The following SIPA1L2 variants were observed in gnomAD, a reference collection of about 807,000 sequenced individuals.
SIPA1L2 encodes signal-induced proliferation-associated 1-like protein 2.
In SIPA1L2, 56 loss-of-function variants were observed where a neutral mutation model predicts 163.9. The observed-to-expected ratio is 0.34, with a 90% CI of 0.28 to 0.43. The LOEUF is 0.43. SIPA1L2 is among the 20% of genes least tolerant of loss of function. The pLI, the probability that SIPA1L2 is intolerant of heterozygous loss-of-function variation, is 1.00. For synonymous variants in SIPA1L2, 877 were observed against 865.7 expected (o/e 1.01, Z -0.23); for missense variants, 1,974 against 2,193.5 (o/e 0.90, Z 2.00).
chr1:232,410,813 C>T (rs963401471), intron 19 of SIPA1L2, among the ~76,000 whole-genome samples: 1 of 151,996 alleles, frequency 6.6e-6, no homozygotes, highest in Non-Finnish European at 1.5e-5. Flanking sequence ...ATCTCTATGT[C>T]TCTTTTTTAA....
At chr1:232,566,466 T>C (rs1023173835) in intron 2 of SIPA1L2, among the ~76,000 whole-genome samples, 5 of 152,264 alleles carry the variant, frequency 3.3e-5, no homozygotes, top group Admixed American at 2.0e-4. Flanking sequence ...AAAGCCCTGC[T>C]GGATTTCAGA....
intron 1 of SIPA1L2, among the ~76,000 whole-genome samples, chr1:232,605,830 C>T (rs1396797939): frequency 6.6e-6 from 1 of 152,168 alleles, no homozygotes; most frequent in Non-Finnish European, 1.5e-5. Flanking sequence ...TACAGGATTT[C>T]TGATTCTCCA....
chr1:232,569,990 A>C (rs1659625956), intron 2 of SIPA1L2, among the ~76,000 whole-genome samples: 1 of 152,032 alleles, frequency 6.6e-6, no homozygotes, highest in South Asian at 2.1e-4. Context: ...CGGAAGGTAA[A>C]GCTGAAAGCA....
chr1:232,497,634 T>C (rs1238406008), intron 3 of SIPA1L2, among the ~76,000 whole-genome samples: 1 of 152,198 alleles, frequency 6.6e-6, no homozygotes, highest in Non-Finnish European at 1.5e-5. Flanking sequence ...ATGACACTAG[T>C]GGCCACTCAC....
intron 1 of SIPA1L2, among the ~76,000 whole-genome samples, chr1:232,586,345 A>G (rs1660653958): frequency 6.6e-6 from 1 of 152,196 alleles, no homozygotes; most frequent in South Asian, 2.1e-4. Context: ...GTATTTATTA[A>G]TATTTTATCA....
At chr1:232,554,361 G>A (rs1350034529) in intron 2 of SIPA1L2, among the ~76,000 whole-genome samples, 2 of 152,144 alleles carry the variant, frequency 1.3e-5, no homozygotes, top group Non-Finnish European at 1.5e-5. Context: ...CTACAGGAAA[G>A]GATATGGTGA....
intron 1 of SIPA1L2, among the ~76,000 whole-genome samples, chr1:232,615,818 C>T (rs1029950258): frequency 5.3e-5 from 8 of 152,158 alleles, no homozygotes; most frequent in African/African-American, 1.9e-4. Context: ...AGAAAATCTA[C>T]TGTATTTCCA....
upstream of SIPA1L2, among the ~76,000 whole-genome samples, chr1:232,630,191 C>G (rs1042701784): frequency 1.3e-5 from 2 of 151,664 alleles, no homozygotes; most frequent in Admixed American, 1.3e-4. Context: ...CCCCCGCCCG[C>G]TCTGCGGGCT....
chr1:232,496,502 G>A (rs1666198106), intron 3 of SIPA1L2, among the ~76,000 whole-genome samples: 1 of 147,134 alleles, frequency 6.8e-6, no homozygotes, highest in African/African-American at 2.5e-5. Flanking sequence ...AAGCTCCAGT[G>A]ACATTAAGCA....
At chr1:232,420,933 A>G (rs2102797394) in intron 18 of SIPA1L2, among the ~76,000 whole-genome samples, 1 of 152,354 alleles carries the variant, frequency 6.6e-6, no homozygotes, top group African/African-American at 2.4e-5. Flanking sequence ...CTGGCATAAC[A>G]AGTTTCTCAC....
intron 1 of SIPA1L2, among the ~76,000 whole-genome samples, chr1:232,597,497 G>A (rs1298152866): frequency 1.8e-4 from 26 of 146,762 alleles, no homozygotes; most frequent in Admixed American, 1.6e-3. Flanking sequence ...CTAACACGGT[G>A]AAACCCCGTC....
rs71162247 is a variant in SIPA1L2 at position 232,496,560 on chromosome 1, C to CAAAAAAA, written c.1484-2907_1484-2901dup. ...TAAGAAGAGCTGATCCAGAAGCAGG[C>CAAAAAAA]AAAAAAAAAAAAAAAGATATTCAAT... is the stretch of plus-strand genomic sequence containing the variant. On this transcript the variant is annotated intron_variant, in intron 3 of 22. Coordinates refer to ENST00000674635, the MANE Select transcript of SIPA1L2 (RefSeq NM_020808.5). Among the ~76,000 whole-genome samples the CAAAAAAA allele has an allele frequency of 1.1e-3, 120 of 105,370 alleles. 1 individual carries two copies. The highest frequency in any genetic ancestry group is 4.2e-3 in the African/African-American group (117 of 28,150). 69.1% of individuals were successfully genotyped at this position (105,370 alleles called of 152,430 possible).
chr1:232,574,554 T>G (rs1167293626), intron 1 of SIPA1L2, among the ~76,000 whole-genome samples: 1 of 152,212 alleles, frequency 6.6e-6, no homozygotes, highest in African/African-American at 2.4e-5. Flanking sequence ...TGAAAAATAA[T>G]TATTTTCATA....
At chr1:232,424,829 G>T (rs1439165247) in intron 18 of SIPA1L2, among the ~76,000 whole-genome samples, 1 of 151,598 alleles carries the variant, frequency 6.6e-6, no homozygotes, top group Non-Finnish European at 1.5e-5. Flanking sequence ...GTGATGAAAT[G>T]AAAAAAAACT....
At chr1:232,525,037 G>A (rs1667627854) in intron 2 of SIPA1L2, among the ~76,000 whole-genome samples, 1 of 151,964 alleles carries the variant, frequency 6.6e-6, no homozygotes, top group African/African-American at 2.4e-5. Context: ...ATTCTTCCTT[G>A]TATAAAAAGA....
At chr1:232,401,839 C>T (rs967510456) in intron 22 of SIPA1L2, among the ~76,000 whole-genome samples, 7 of 152,226 alleles carry the variant, frequency 4.6e-5, no homozygotes, top group African/African-American at 1.7e-4. Context: ...TGCTACCGCA[C>T]CCCATTCCGT....
Position 232,513,889 on chromosome 1 carries a change from G to C in SIPA1L2, c.1451C>G (p.Ala484Gly). ...ATAGAAGAATTTGCGGTAATAATAG[G>C]CCCCAAGGTCAATGTGTTCTATGAT... ...RYIIEHIDLG[A>G]YYYRKFFYGK... The change falls in exon 3 of 23, where the codon GCC (alanine) becomes GGC (glycine). Residue 484 changes from alanine to glycine, a missense_variant. Ala to Gly is a moderately conservative substitution (Grantham distance 60). Coordinates refer to ENST00000674635, the MANE Select transcript of SIPA1L2 (RefSeq NM_020808.5). 1.3e-6 allele frequency: 2 copies of C among 1,597,678 alleles called. No homozygotes were observed. The highest frequency in any genetic ancestry group is 1.7e-6 in the Non-Finnish European group (2 of 1,173,992).
At chr1:232,605,289 T>C (rs1359611427) in intron 1 of SIPA1L2, among the ~76,000 whole-genome samples, 1 of 152,164 alleles carries the variant, frequency 6.6e-6, no homozygotes, top group Non-Finnish European at 1.5e-5. Flanking sequence ...GCCAGGAGTA[T>C]TACATGTGTG....
chr1:232,453,316 T>C (rs1303210124), intron 10 of SIPA1L2, among the ~76,000 whole-genome samples: 3 of 152,132 alleles, frequency 2.0e-5, no homozygotes, highest in African/African-American at 7.2e-5. Context: ...CATATTCTTA[T>C]CAAAAAAAGA....
Sources: allele counts gnomAD v4.1 joint callset (sites outside exome capture counted in the v4.1 genomes callset), GRCh38; gene constraint gnomAD v4.1.1; transcripts MANE v1.5; gene names NCBI Gene and HGNC (gene_info 2026-07-23, HGNC 2026-07-21).